CANX: variants seen among roughly 807,000 people sequenced by gnomAD.
CANX encodes epididymis secretory sperm binding protein.
In CANX, 14 loss-of-function variants were observed where a neutral mutation model predicts 75.7. The observed-to-expected ratio is 0.19, with a 90% CI of 0.12 to 0.29. The LOEUF is 0.29. Among genes scored for constraint, CANX ranks in the 10% least tolerant of loss-of-function variants. The pLI, the probability that CANX is intolerant of heterozygous loss-of-function variation, is 1.00. For missense variants in CANX, 567 were observed against 713.2 expected (o/e 0.79, Z 2.34); for synonymous variants, 227 against 236.9 (o/e 0.96, Z 0.38).
At chr5:179,720,940 C>T (rs548852049) in intron 10 of CANX, among the ~76,000 whole-genome samples, 190 of 151,888 alleles carry the variant, frequency 1.3e-3, no homozygotes, top group Non-Finnish European at 2.3e-3. Context: ...CCTGCCACCA[C>T]GCCTGGCTAA....
At chr5:179,713,369 G>C (rs945877879) in intron 7 of CANX, among the ~76,000 whole-genome samples, 87 of 152,306 alleles carry the variant, frequency 5.7e-4, no homozygotes, top group African/African-American at 2.0e-3. Flanking sequence ...ACTGAGCCCA[G>C]CTTAACCTTT....
At chr5:179,695,690 G>A (rs180790697), upstream of CANX, among the ~76,000 whole-genome samples, 7 of 148,016 alleles carry the variant, frequency 4.7e-5, no homozygotes, top group Admixed American at 1.4e-4. Flanking sequence ...TCGTTTTGTC[G>A]CCCAGGCTGG....
In CANX at chr5:179,683,340, G is replaced by A. The variant is rs553159758; in HGVS notation, c.-4+4563G>A. Among the ~76,000 whole-genome samples, 440 of 151,308 alleles carry A rather than the reference G, an allele frequency of 2.9e-3. 1 individual carries two copies. Among genetic ancestry groups the A allele is most frequent in the African/African-American group, 9.6e-3 (397 of 41,230 alleles). Reference sequence around the variant, plus strand: ...AGTAGAGATGGGGTTTCACCGTGTTGGCCAGGATGGTCTCGATCTCCTGAC... The same window carrying A: ...AGTAGAGATGGGGTTTCACCGTGTTAGCCAGGATGGTCTCGATCTCCTGAC... On this transcript the variant is annotated intron_variant, in intron 1 of 14. Transcript: ENST00000681674.
chr5:179,723,854 T>G, intron 12 of CANX, 75 bp downstream of exon 12: 1 of 1,356,826 alleles, frequency 7.4e-7, no homozygotes. Flanking sequence ...TAAGATATGT[T>G]GCCTGAGGTT....
rs369080418 is a variant in CANX, at chr5:179,728,567, A to T, written c.1726-24A>T. 3.5e-4 allele frequency: 490 copies of T among 1,406,876 alleles called. 1 individual carries two copies. The Middle Eastern group carries it at 4.2e-3, about 12-fold the overall frequency. 87.1% of individuals were successfully genotyped at this position (1,406,876 alleles called of 1,614,324 possible). A position where few individuals can be genotyped will look rare whatever the true frequency, so the allele number is the denominator to read the frequency against. On this transcript the variant is annotated intron_variant, in intron 14 of 14. Transcript: ENST00000247461. Reference sequence around the variant, plus strand: ...ATTATTTTTTAAATGTGCTAATTATAATGAATTTCTTTTCAATCAATAGGA... The same window carrying T: ...ATTATTTTTTAAATGTGCTAATTATTATGAATTTCTTTTCAATCAATAGGA...
intron 1 of CANX, among the ~76,000 whole-genome samples, chr5:179,689,627 T>TG (rs780060456): frequency 1.4e-4 from 22 of 152,258 alleles, no homozygotes; most frequent in Non-Finnish European, 2.6e-4. Context: ...TGACTTCAGC[T>TG]GATCCGCCCG....
At chr5:179,706,986 A>T (rs1042176662) in intron 3 of CANX, 146 bp from the exon 4 acceptor site, 1 of 607,412 alleles carries the variant, frequency 1.6e-6, no homozygotes, top group African/African-American at 1.9e-5. Context: ...TATTATCATT[A>T]GTTGTGTGAC....
intron 1 of CANX, chr5:179,704,115 C>G (rs1487213752): frequency 1.3e-5 from 2 of 152,320 alleles, no homozygotes; most frequent in East Asian, 3.9e-4. Flanking sequence ...CCAACCACAT[C>G]ATCTTGTGCA....
chr5:179,728,758 C>T lies in CANX; in HGVS notation c.*114C>T, dbSNP rs189975498. On this transcript the variant is annotated 3_prime_UTR_variant, in exon 15 of 15. Transcript: ENST00000247461. ...ACATTCAGAAAACTTCAAGACATCA[C>T]CATCAGCAGGCTCCAGTTGAACACT... 2.3e-3 allele frequency: 1,682 copies of T among 741,470 alleles called. 2 individuals carry two copies. The highest frequency in any genetic ancestry group is 3.2e-3 in the Non-Finnish European group (1,308 of 403,906). 45.9% of individuals were successfully genotyped at this position (741,470 alleles called of 1,614,324 possible).
chr5:179,694,140 G>A (rs1475622725), upstream of CANX: 23 of 98,794 alleles, frequency 2.3e-4, no homozygotes, highest in African/African-American at 7.7e-4. Context: ...GAGAAACTCC[G>A]TCTCAAAAAA....
At chr5:179,708,861 G>T (rs1173360686) in intron 5 of CANX, 117 bp from the exon 6 acceptor site, 1 of 569,962 alleles carries the variant, frequency 1.8e-6, no homozygotes, top group Non-Finnish European at 3.3e-6. Flanking sequence ...CCTTTGTAAG[G>T]GTAAACATTT....
chr5:179,710,277 G>C (rs1400077351), intron 7 of CANX, among the ~76,000 whole-genome samples: 4 of 151,820 alleles, frequency 2.6e-5, no homozygotes, highest in Admixed American at 1.3e-4. Context: ...ACAAATATTA[G>C]CTAGGCATGG....
At chr5:179,723,944 G>T (rs187288091) in intron 12 of CANX, among the ~76,000 whole-genome samples, 165 bp downstream of exon 12, 2 of 152,076 alleles carry the variant, frequency 1.3e-5, no homozygotes, top group Non-Finnish European at 2.9e-5. Context: ...CTCAGTGGCC[G>T]TTTATTGTGC....
intron 1 of CANX, among the ~76,000 whole-genome samples, chr5:179,701,188 C>G (rs887181841): frequency 6.6e-6 from 1 of 152,078 alleles, no homozygotes; most frequent in Non-Finnish European, 1.5e-5. Context: ...TTTTGTCCCA[C>G]TTTGGTTTCC....
intron 12 of CANX, among the ~76,000 whole-genome samples, chr5:179,724,255 A>G (rs1398888274): frequency 6.7e-6 from 1 of 150,044 alleles, no homozygotes; most frequent in Admixed American, 6.6e-5. Context: ...TTTGCATGCT[A>G]TCATAAAAAA....
intron 1 of CANX, chr5:179,704,539 AAAG>A (rs1776994121): frequency 6.6e-6 from 1 of 151,106 alleles, no homozygotes; most frequent in African/African-American, 2.4e-5. Context: ...AAAAAAAAAA[AAAG>A]GAGCTTGTTT....
At chr5:179,722,006 A>T (rs1170830040) in intron 10 of CANX, among the ~76,000 whole-genome samples, 6 of 152,148 alleles carry the variant, frequency 3.9e-5, no homozygotes, top group African/African-American at 1.4e-4. Context: ...TTGTGTAGTC[A>T]AACAATAAGA....
intron 7 of CANX, among the ~76,000 whole-genome samples, chr5:179,712,165 C>CT (rs946243043): frequency 2.4e-4 from 36 of 147,306 alleles, no homozygotes; most frequent in Non-Finnish European, 4.3e-4. Flanking sequence ...TAATTTCTTC[C>CT]TTTTTTTTGT....
At chr5:179,697,460 A>G (rs932565311), upstream of CANX, among the ~76,000 whole-genome samples, 1 of 152,234 alleles carries the variant, frequency 6.6e-6, no homozygotes, top group East Asian at 1.9e-4. Flanking sequence ...TTTGGCACTT[A>G]CCTTTGCAGG....
Sources: gnomAD v4.1 joint callset for allele counts (sites outside exome capture counted in the v4.1 genomes callset) on GRCh38, gnomAD v4.1.1 for gene constraint, MANE v1.5 for transcripts, NCBI Gene and HGNC (gene_info 2026-07-23, HGNC 2026-07-21) for gene names.